Variants in ZBTB40 observed in about 807,000 individuals in gnomAD.
The protein encoded by ZBTB40 is zinc finger and BTB domain containing 40.
In ZBTB40, 60 loss-of-function variants were observed where a neutral mutation model predicts 117.5. The observed-to-expected ratio is 0.51, with a 90% CI of 0.41 to 0.63. The LOEUF (loss-of-function observed/expected upper bound fraction) is 0.63. Ranked by LOEUF, ZBTB40 falls within the 30% of genes least tolerant of loss-of-function variation. The pLI, the probability that ZBTB40 is intolerant of heterozygous loss-of-function variation, is 0.00. For synonymous variants in ZBTB40, 525 were observed against 577.1 expected, an observed-to-expected ratio of 0.91 and a Z score of 1.29; for missense variants, 1,287 against 1,498.5, an observed-to-expected ratio of 0.86 and a Z score of 2.33.
intron 3 of ZBTB40, among the ~76,000 whole-genome samples, chr1:22,495,050 T>C (rs1167025499): frequency 6.6e-6 from 1 of 152,228 alleles, no homozygotes; most frequent in South Asian, 2.1e-4. Context: ...TGTTGTTTAG[T>C]TAATCTTAAC....
intron 13 of ZBTB40, among the ~76,000 whole-genome samples, chr1:22,517,811 A>G (rs1639415801): frequency 6.6e-6 from 1 of 150,494 alleles, no homozygotes; most frequent in Non-Finnish European, 1.5e-5. Context: ...GCCATCTTCC[A>G]TTTGCCTTTT....
chr1:22,484,287 G>A (rs1328234503), intron 1 of ZBTB40, among the ~76,000 whole-genome samples: 4 of 152,232 alleles, frequency 2.6e-5, no homozygotes, highest in African/African-American at 9.6e-5. Flanking sequence ...CTAACAACAT[G>A]GGATATCTCT....
chr1:22,501,437 G>A (rs1638931799), intron 3 of ZBTB40, 55 bp from the exon 4 acceptor site: 1 of 1,600,410 alleles, frequency 6.2e-7, no homozygotes, highest in African/African-American at 1.3e-5. Flanking sequence ...AATGCAAGGA[G>A]CGGATGGTTC....
In ZBTB40 at chr1:22,469,117, A is replaced by C. The variant is rs1363186964; in HGVS notation, c.-70+17113A>C. ...GTGCTGGGATTATAGGCATTGAGCCACTGTGCCTGGTTGTCACTTCCTTTA... is the reference window on the plus strand; with the variant it reads ...GTGCTGGGATTATAGGCATTGAGCCCCTGTGCCTGGTTGTCACTTCCTTTA... On this transcript the variant is annotated intron_variant, in intron 1 of 17. Transcript: ENST00000375647. Among the ~76,000 whole-genome samples the C allele has an allele frequency of 6.6e-5, 10 of 151,786 alleles. No individual in the cohort carries two copies. In the South Asian group the frequency reaches 2.1e-3, roughly 32 times the overall value.
At chr1:22,504,994 T>C (rs1392028336) in intron 5 of ZBTB40, among the ~76,000 whole-genome samples, 2 of 152,234 alleles carry the variant, frequency 1.3e-5, no homozygotes, top group Non-Finnish European at 2.9e-5. Flanking sequence ...TTAAAGAGAA[T>C]GACTATGTTC....
upstream of ZBTB40, among the ~76,000 whole-genome samples, chr1:22,448,873 C>T (rs1392423958): frequency 1.3e-5 from 2 of 151,614 alleles, no homozygotes; most frequent in Admixed American, 6.6e-5. Context: ...AGTGCAGTGG[C>T]GTGATTTCGG....
intron 1 of ZBTB40, among the ~76,000 whole-genome samples, chr1:22,432,165 C>T (rs1261385135): frequency 6.6e-6 from 1 of 152,200 alleles, no homozygotes; most frequent in African/African-American, 2.4e-5. Context: ...GGAAGGGCTT[C>T]TCTTCCTGGT....
At chr1:22,508,955 C>G in intron 8 of ZBTB40, 145 bp from the exon 9 acceptor site, 1 of 1,253,702 alleles carries the variant, frequency 8.0e-7, no homozygotes. Flanking sequence ...GATTACAGTG[C>G]TATTTGCCGT....
chr1:22,486,029 T>C (rs868150753), intron 1 of ZBTB40, among the ~76,000 whole-genome samples: 1 of 152,222 alleles, frequency 6.6e-6, no homozygotes, highest in South Asian at 2.1e-4. Flanking sequence ...AATTCGGACA[T>C]TCTTGCTATA....
intron 10 of ZBTB40, 118 bp from the exon 11 acceptor site, chr1:22,511,558 G>T (rs1639234999): frequency 4.7e-6 from 6 of 1,268,846 alleles, no homozygotes; most frequent in Non-Finnish European, 6.5e-6. Flanking sequence ...TATTACTTCA[G>T]AGTGTTTTTG....
chr1:22,519,942 G>A (rs983018819), intron 13 of ZBTB40, 119 bp from the exon 14 acceptor site: 29 of 924,876 alleles, frequency 3.1e-5, no homozygotes, highest in Admixed American at 1.9e-4. Flanking sequence ...TGCCTGTTAC[G>A]TAAAGCAGAG....
intron 1 of ZBTB40, among the ~76,000 whole-genome samples, chr1:22,433,432 CAAAAAAAA>C (rs767913519): frequency 1.5e-3 from 13 of 8,770 alleles, no homozygotes; most frequent in Middle Eastern, 0.5. Flanking sequence ...GACGCCCTCT[CAAAAAAAA>C]AAAAAAAAAA....
Position 22,508,628 on chromosome 1 carries a change from T to C in ZBTB40, c.1596T>C (p.Ile532=). 1.2e-6 allele frequency: 2 copies of C among 1,614,178 alleles called. No homozygotes were observed. The highest frequency in any genetic ancestry group is 1.7e-6 in the Non-Finnish European group (2 of 1,180,028). The change falls in exon 8 of 18, where the codon ATT becomes ATC. Residue 532 remains isoleucine (I), a synonymous_variant. Coordinates refer to ENST00000375647, the MANE Select transcript of ZBTB40 (RefSeq NM_014870.4). ...AGCAGACTCTCTCTGCCACAGCCAT[T>C]TGGCAACTGCTGCTGGTGGTTCAGG... ...LEKQTLSATA[I]WQLLLVVQET...
intron 1 of ZBTB40, among the ~76,000 whole-genome samples, chr1:22,481,815 A>AC (rs11409101): frequency 6.8e-6 from 1 of 147,654 alleles, no homozygotes; most frequent in Non-Finnish European, 1.5e-5. Context: ...AAAAAAAAAA[A>AC]TCACATTACA....
At chr1:22,491,288 A>G in intron 2 of ZBTB40, 112 bp from the exon 3 acceptor site, 2 of 1,032,942 alleles carry the variant, frequency 1.9e-6, no homozygotes, top group South Asian at 2.7e-5. Flanking sequence ...TGTGCTAGAC[A>G]GAGATCAGTT....
At chr1:22,480,029 C>T (rs1011658632) in intron 1 of ZBTB40, among the ~76,000 whole-genome samples, 1 of 151,954 alleles carries the variant, frequency 6.6e-6, no homozygotes, top group Non-Finnish European at 1.5e-5. Flanking sequence ...GCCTCAGCCT[C>T]CTGAGTAGCT....
intron 9 of ZBTB40, 136 bp downstream of exon 9, chr1:22,509,369 C>A: frequency 7.7e-6 from 10 of 1,305,696 alleles, no homozygotes; most frequent in Non-Finnish European, 1.1e-5. Flanking sequence ...TCTTTTGAGA[C>A]AGAGTCTTGC....
intron 1 of ZBTB40, among the ~76,000 whole-genome samples, chr1:22,436,277 C>T (rs530924403): frequency 1.1e-4 from 17 of 152,030 alleles, no homozygotes; most frequent in South Asian, 6.2e-4. Flanking sequence ...TTTGGGAGGG[C>T]GAGGCAGGTG....
Position 22,463,835 on chromosome 1 carries a change from T to C in ZBTB40, c.-70+11831T>C, listed in dbSNP as rs565803525. Among the ~76,000 whole-genome samples the C allele has an allele frequency of 2.6e-5, 4 of 152,350 alleles. No individual in the cohort carries two copies. In the East Asian group the frequency reaches 5.8e-4, roughly 22 times the overall value. On this transcript the variant is annotated intron_variant, in intron 1 of 17. Transcript: ENST00000375647. ...TTTTGATATTTTGCCTCATTGTATT[T>C]TGTAGAACACCTCAAAAGAAGTTTC...
Sources: gnomAD v4.1 joint callset for allele counts (sites outside exome capture counted in the v4.1 genomes callset) on GRCh38, gnomAD v4.1.1 for gene constraint, MANE v1.5 for transcripts, NCBI Gene and HGNC (gene_info 2026-07-23, HGNC 2026-07-21) for gene names.